LRRC52: variants seen among roughly 807,000 people sequenced by gnomAD.
LRRC52 encodes the protein leucine rich repeat containing 52.
LRRC52 carries 15 observed loss-of-function variants against 14.7 expected under a neutral mutation model. The observed-to-expected ratio is 1.02, with a 90% confidence interval of 0.68 to 1.58. LRRC52 has a LOEUF of 1.58. Among genes scored for constraint, LRRC52 ranks in the 40% most tolerant of loss-of-function variants. The pLI is 0.00. For synonymous variants in LRRC52, 180 were observed against 163.9 expected, an observed-to-expected ratio of 1.10 and a Z score of -0.75; for missense variants, 400 against 387.7, an observed-to-expected ratio of 1.03 and a Z score of -0.27.
At chr1:165,547,408 T>C (rs1048911979) in intron 1 of LRRC52, among the ~76,000 whole-genome samples, 7 of 152,212 alleles carry the variant, frequency 4.6e-5, no homozygotes, top group Admixed American at 1.3e-4. Flanking sequence ...TCATTTTCAT[T>C]GGATAATAAG....
At chr1:165,562,610 C>G (rs1309140953) in intron 1 of LRRC52, among the ~76,000 whole-genome samples, 1 of 151,662 alleles carries the variant, frequency 6.6e-6, no homozygotes, top group African/African-American at 2.4e-5. Context: ...AATCCGGTAT[C>G]CTGCTGAAGT....
At position 165,563,771 on chromosome 1, in the gene LRRC52, C is replaced by T. The variant is rs755107801; in HGVS notation, c.889C>T (p.Arg297Trp). ...CGGGACTAGGGTGGAAGTCAGCCGG[C>T]GGATTTTTCAAACCCAGACGAGCTC... Reference protein sequence around the residue: ...EAGTRVEVSRRIFQTQTSSVQ... With the variant: ...EAGTRVEVSRWIFQTQTSSVQ... Residue 297 changes from arginine (R) to tryptophan (W), a missense_variant, in exon 2 of 2, where the codon CGG becomes TGG. Physicochemically the swap from Arg to Trp is moderately radical, Grantham distance 101. Transcript: ENST00000294818. 32 of 1,614,066 alleles carry T rather than the reference C, an allele frequency of 2.0e-5. No homozygotes were observed. The highest frequency in any genetic ancestry group is 2.6e-5 in the Non-Finnish European group (31 of 1,180,046).
Position 165,563,686 on chromosome 1 carries a change from G to T in LRRC52, c.804G>T (p.Val268=). 6.2e-7 allele frequency: 1 copy of T among 1,614,180 alleles called. No individual in the cohort carries two copies. The highest frequency in any genetic ancestry group is 1.3e-5 in the African/African-American group (1 of 75,038). ...AGTVAAWLTG[V]CAVLYQNTRH... Reference sequence around the variant, plus strand: ...CTGTGGCTGCCTGGCTCACAGGTGTGTGTGCTGTGCTCTACCAGAACACCC... The same window carrying T: ...CTGTGGCTGCCTGGCTCACAGGTGTTTGTGCTGTGCTCTACCAGAACACCC... The change falls in exon 2 of 2, where the codon GTG becomes GTT. Residue 268 remains valine (V), a synonymous_variant. Coordinates refer to ENST00000294818, the MANE Select transcript of LRRC52 (RefSeq NM_001005214.4).
chr1:165,554,089 CAT>C (rs1661186934), intron 1 of LRRC52, among the ~76,000 whole-genome samples: 1 of 152,154 alleles, frequency 6.6e-6, no homozygotes, highest in Non-Finnish European at 1.5e-5. Context: ...CCCAAGTCCT[CAT>C]GTGCAAAATG....
Position 165,544,213 on chromosome 1 carries a change from C to G in LRRC52, c.-84C>G. The G allele has an allele frequency of 8.6e-7, 1 of 1,159,446 alleles. No individual in the cohort carries two copies. Among genetic ancestry groups the G allele is most frequent in the South Asian group, 1.4e-5 (1 of 70,022 alleles). The allele number at this position is 1,159,446 out of a possible 1,614,324, so 71.8% of individuals were successfully genotyped here. A position where few individuals can be genotyped will look rare whatever the true frequency, so the allele number is the denominator to read the frequency against. ...ACAGTTCTTTCCAGAGCCCCTCCCC[C>G]GCCCCACCCCCCCACCGGCAGCCTT... On this transcript the variant is annotated 5_prime_UTR_variant, in exon 1 of 2. Coordinates refer to ENST00000294818, the MANE Select transcript of LRRC52 (RefSeq NM_001005214.4).
In LRRC52 at chr1:165,563,528, G is replaced by T. The variant is rs1005390778; in HGVS notation, c.646G>T (p.Glu216Ter). The change falls in exon 2 of 2, where the codon GAG becomes TAG. Residue 216 changes from glutamate (E) to a stop codon, truncating the protein, a stop_gained. Coordinates refer to ENST00000294818, the MANE Select transcript of LRRC52 (RefSeq NM_001005214.4). LOFTEE classifies it low-confidence loss of function (END_TRUNC). The part of the protein sequence containing the change: ...PSDDLNATCV[E>*]PTELTGWPIT... ...AGATGATCTAAATGCCACATGTGTG[G>T]AGCCCACAGAGCTGACAGGGTGGCC... is the stretch of plus-strand genomic sequence containing the variant. 8.1e-6 allele frequency: 13 copies of T among 1,613,686 alleles called. No individual in the cohort carries two copies. The highest frequency in any genetic ancestry group is 1.0e-5 in the Non-Finnish European group (12 of 1,179,808).
chr1:165,562,944 C>T (rs1661379828), intron 1 of LRRC52, among the ~76,000 whole-genome samples: 1 of 151,990 alleles, frequency 6.6e-6, no homozygotes, highest in African/African-American at 2.4e-5. Context: ...TCAGGAGAAT[C>T]TCGTCTCCTG....
In LRRC52 at chr1:165,544,588, A is replaced by G; in HGVS notation, c.292A>G (p.Ile98Val). ...RIREVMDYTF[I>V]GVFKLIYLDL... ...TCGAGAGGTGATGGATTATACCTTC[A>G]TCGGGGTCTTCAAACTCATCTACCT... The change falls in exon 1 of 2, where the codon ATC becomes GTC. Residue 98 changes from isoleucine (I) to valine (V), a missense_variant. Ile to Val is a conservative substitution (Grantham distance 29). Coordinates refer to ENST00000294818, the MANE Select transcript of LRRC52 (RefSeq NM_001005214.4). 6.2e-7 allele frequency: 1 copy of G among 1,613,846 alleles called. No individual in the cohort carries two copies. The highest frequency in any genetic ancestry group is 8.5e-7 in the Non-Finnish European group (1 of 1,180,000).
chr1:165,552,049 C>T (rs1661142178), intron 1 of LRRC52, among the ~76,000 whole-genome samples: 1 of 151,286 alleles, frequency 6.6e-6, no homozygotes, highest in Non-Finnish European at 1.5e-5. Flanking sequence ...GCCAGAACAG[C>T]AGCCTCCTGA....
chr1:165,551,446 GT>G (rs1480931540), intron 1 of LRRC52, among the ~76,000 whole-genome samples: 1 of 152,212 alleles, frequency 6.6e-6, no homozygotes, highest in Admixed American at 6.5e-5. Context: ...CTAATGGCTA[GT>G]GTTTTGAAAT....
chr1:165,545,024 TTGAA>T, intron 1 of LRRC52, 106 bp downstream of exon 1: 1 of 1,390,208 alleles, frequency 7.2e-7, no homozygotes, highest in South Asian at 1.3e-5. Flanking sequence ...GTGAAGCTGA[TTGAA>T]TGCATTCTTA....
chr1:165,548,492 C>A (rs285439), intron 1 of LRRC52, among the ~76,000 whole-genome samples: 1 of 152,078 alleles, frequency 6.6e-6, no homozygotes, highest in Non-Finnish European at 1.5e-5. Flanking sequence ...GCAGGACAAA[C>A]GAGGCCAGCA....
chr1:165,555,466 G>A (rs1661215220), intron 1 of LRRC52, among the ~76,000 whole-genome samples: 1 of 152,198 alleles, frequency 6.6e-6, no homozygotes, highest in South Asian at 2.1e-4. Context: ...GGGTAGATAG[G>A]CCATGGAGAG....
At chr1:165,547,251 C>T (rs77112200) in intron 1 of LRRC52, among the ~76,000 whole-genome samples, 3,134 of 152,172 alleles carry the variant, frequency 0.021, 101 homozygotes, top group Admixed American at 0.067. Flanking sequence ...TATACTATCT[C>T]GTAAATCCTC....
intron 1 of LRRC52, among the ~76,000 whole-genome samples, chr1:165,560,160 A>G (rs1661314526): frequency 6.6e-6 from 1 of 152,238 alleles, no homozygotes; most frequent in Admixed American, 6.5e-5. Flanking sequence ...TCTCATTAAC[A>G]TTGTAACAAA....
At chr1:165,559,015 G>T (rs772521184) in intron 1 of LRRC52, among the ~76,000 whole-genome samples, 1 of 152,194 alleles carries the variant, frequency 6.6e-6, no homozygotes, top group African/African-American at 2.4e-5. Context: ...AGAGATATTG[G>T]TCAATGATAG....
chr1:165,544,121 C>T lies in LRRC52; in HGVS notation c.-176C>T. ...CCAAGCTGGGCGGCAGGGCATTGAG[C>T]CTCGCGTTTCAATTTCTGTTCAGTT... is the stretch of plus-strand genomic sequence containing the variant. On this transcript the variant is annotated 5_prime_UTR_variant, in exon 1 of 2. Coordinates refer to ENST00000294818, the MANE Select transcript of LRRC52 (RefSeq NM_001005214.4). The T allele has an allele frequency of 2.6e-6, 2 of 767,514 alleles. No individual in the cohort carries two copies. The highest frequency in any genetic ancestry group is 4.1e-6 in the Non-Finnish European group (2 of 487,240). The allele number at this position is 767,514 out of a possible 1,614,324, so 47.5% of individuals were successfully genotyped here. A position where few individuals can be genotyped will look rare whatever the true frequency, so the allele number is the denominator to read the frequency against.
At position 165,551,979 on chromosome 1, in the gene LRRC52, G is replaced by GAAAA. The variant is rs148299176; in HGVS notation, c.622+7074_622+7077dup. 6.7e-3 allele frequency among the ~76,000 whole-genome samples: 809 copies of GAAAA among 120,330 alleles called. 1 individual carries two copies. The highest frequency in any genetic ancestry group is 0.019 in the African/African-American group (652 of 34,588). The allele number at this position is 120,330 out of a possible 152,430, so 78.9% of individuals were successfully genotyped here. On this transcript the variant is annotated intron_variant, in intron 1 of 1. Transcript: ENST00000294818. The stretch of plus-strand genomic sequence containing the variant: ...AAAATAAAGACCAAAGGCTAAAAAA[G>GAAAA]AAAAAAAAAAAAAAAAGGCTGGGCA...
At position 165,544,588 on chromosome 1, in the gene LRRC52, A is replaced by T; in HGVS notation, c.292A>T (p.Ile98Phe). 1.2e-6 allele frequency: 2 copies of T among 1,613,846 alleles called. No individual in the cohort carries two copies. The highest frequency in any genetic ancestry group is 1.7e-6 in the Non-Finnish European group (2 of 1,180,000). The change falls in exon 1 of 2, where the codon ATC (isoleucine) becomes TTC (phenylalanine). Residue 98 changes from isoleucine to phenylalanine, a missense_variant. Ile to Phe is a conservative substitution (Grantham distance 21). Transcript: ENST00000294818. Reference sequence around the variant, plus strand: ...TCGAGAGGTGATGGATTATACCTTCATCGGGGTCTTCAAACTCATCTACCT... The same window carrying T: ...TCGAGAGGTGATGGATTATACCTTCTTCGGGGTCTTCAAACTCATCTACCT... ...RIREVMDYTF[I>F]GVFKLIYLDL...
Sources: gnomAD v4.1 joint callset for allele counts (sites outside exome capture counted in the v4.1 genomes callset) on GRCh38, gnomAD v4.1.1 for gene constraint, MANE v1.5 for transcripts, NCBI Gene and HGNC (gene_info 2026-07-23, HGNC 2026-07-21) for gene names.